PXDNL: variants seen among roughly 807,000 people sequenced by gnomAD.
PXDNL encodes the protein peroxidasin like, also known as probable oxidoreductase PXDNL.
PXDNL carries 145 observed loss-of-function variants against 150.8 expected under a neutral mutation model. That is an observed-to-expected ratio of 0.96 (90% CI 0.84 to 1.10). The LOEUF is 1.10. Among genes scored for constraint, PXDNL ranks in the 50% least tolerant of loss-of-function variants. The pLI is 0.00. For missense variants in PXDNL, 2,087 were observed against 1,873.9 expected (o/e 1.11, Z -2.10); for synonymous variants, 757 against 725.7 (o/e 1.04, Z -0.69).
intron 16 of PXDNL, among the ~76,000 whole-genome samples, chr8:51,410,569 C>G (rs529094698): frequency 6.6e-6 from 1 of 152,066 alleles, no homozygotes; most frequent in South Asian, 2.1e-4. Flanking sequence ...CACCACGTCT[C>G]GGTTGATTTC....
rs2130770200 is a variant in PXDNL at position 51,638,155 on chromosome 8, G to A, written c.236+16534C>T. On this transcript the variant is annotated intron_variant, in intron 2 of 22. Transcript: ENST00000356297. ...CTTTACAGACAAACAAATGCTGAGA[G>A]ATTTTGTCACCACCAGGCCTGCCCT... Among the ~76,000 whole-genome samples, 5 of 152,292 alleles carry A rather than the reference G, an allele frequency of 3.3e-5. No homozygotes were observed. In the South Asian group the frequency reaches 1.0e-3, roughly 32 times the overall value.
chr8:51,410,676 T>C (rs1243410710), intron 16 of PXDNL, among the ~76,000 whole-genome samples: 1 of 152,232 alleles, frequency 6.6e-6, no homozygotes, highest in Non-Finnish European at 1.5e-5. Context: ...CTTATTTCAT[T>C]TGAAAGAGAA....
intron 4 of PXDNL, among the ~76,000 whole-genome samples, chr8:51,539,938 CT>C (rs61652546): frequency 0.21 from 31,055 of 144,830 alleles, 3,394 homozygotes; most frequent in Admixed American, 0.3. Context: ...TATCTACTAC[CT>C]TTTTTTTTTT....
intron 2 of PXDNL, among the ~76,000 whole-genome samples, chr8:51,635,554 A>C (rs1017878869): frequency 2.0e-5 from 3 of 152,052 alleles, no homozygotes; most frequent in Admixed American, 1.3e-4. Flanking sequence ...GAGATAAATA[A>C]AATATGAGAG....
intron 17 of PXDNL, among the ~76,000 whole-genome samples, chr8:51,403,906 T>A (rs999426285): frequency 1.3e-5 from 2 of 152,188 alleles, no homozygotes; most frequent in African/African-American, 4.8e-5. Flanking sequence ...AGGTGGTGTG[T>A]CCGGAGTTTG....
chr8:51,564,271 T>A (rs989063059), intron 3 of PXDNL, among the ~76,000 whole-genome samples: 1 of 151,742 alleles, frequency 6.6e-6, no homozygotes, highest in Non-Finnish European at 1.5e-5. Flanking sequence ...GACAAAAGAG[T>A]TAGCTGGAAG....
intron 2 of PXDNL, among the ~76,000 whole-genome samples, chr8:51,604,017 G>C (rs971266234): frequency 3.3e-5 from 5 of 151,946 alleles, no homozygotes; most frequent in African/African-American, 1.2e-4. Flanking sequence ...TCATAATACT[G>C]TCAACATATT....
At chr8:51,685,440 G>A (rs1176910106) in intron 1 of PXDNL, among the ~76,000 whole-genome samples, 2 of 152,152 alleles carry the variant, frequency 1.3e-5, no homozygotes, top group Non-Finnish European at 2.9e-5. Context: ...AAGCCCTCAC[G>A]AGTAAAGCCA....
intron 19 of PXDNL, among the ~76,000 whole-genome samples, chr8:51,357,090 C>T (rs1255852693): frequency 6.6e-6 from 1 of 152,066 alleles, no homozygotes; most frequent in African/African-American, 2.4e-5. Context: ...TCTCAAGTAC[C>T]CAGAAAAACA....
chr8:51,357,446 A>G (rs1260784301), intron 19 of PXDNL, among the ~76,000 whole-genome samples: 2 of 152,236 alleles, frequency 1.3e-5, no homozygotes, highest in Non-Finnish European at 2.9e-5. Flanking sequence ...ATAAGTAATT[A>G]TACAGAGAAT....
At chr8:51,519,592 G>C (rs1298628883) in intron 4 of PXDNL, among the ~76,000 whole-genome samples, 1 of 152,094 alleles carries the variant, frequency 6.6e-6, no homozygotes, top group African/African-American at 2.4e-5. Context: ...AGAGGAGAAA[G>C]AGGAGGAAAG....
intron 4 of PXDNL, among the ~76,000 whole-genome samples, chr8:51,516,059 G>A (rs1811528804): frequency 6.6e-6 from 1 of 152,098 alleles, no homozygotes; most frequent in Non-Finnish European, 1.5e-5. Context: ...CAATTGAAAG[G>A]ATATAGCTTC....
rs58282258 is a variant in PXDNL at position 51,367,100 on chromosome 8, CAAAAAAAA to C, written c.3901+4765_3901+4772del. Reference sequence around the variant, plus strand: ...TTGCGACAGAGCAAGACTCTTGTCTCAAAAAAAAAAAAAAAAAAAAAAAAAAAAATTCA... The same window carrying C: ...TTGCGACAGAGCAAGACTCTTGTCTCAAAAAAAAAAAAAAAAAAAAATTCA... On this transcript the variant is annotated intron_variant, in intron 19 of 22. Coordinates refer to ENST00000356297, the MANE Select transcript of PXDNL (RefSeq NM_144651.5). Among the ~76,000 whole-genome samples, 337 of 55,250 alleles carry C rather than the reference CAAAAAAAA, an allele frequency of 6.1e-3. 3 individuals carry two copies. The highest frequency in any genetic ancestry group is 0.019 in the African/African-American group (296 of 15,648). 36.2% of individuals were successfully genotyped at this position (55,250 alleles called of 152,430 possible).
chr8:51,455,429 T>C (rs1314702414), intron 9 of PXDNL, among the ~76,000 whole-genome samples: 1 of 152,094 alleles, frequency 6.6e-6, no homozygotes, highest in Non-Finnish European at 1.5e-5. Flanking sequence ...GCAATGTCCA[T>C]TGAAATCTCA....
intron 14 of PXDNL, among the ~76,000 whole-genome samples, chr8:51,418,657 A>G (rs957011110): frequency 6.6e-6 from 1 of 152,208 alleles, no homozygotes; most frequent in Non-Finnish European, 1.5e-5. Context: ...ATAAATGTTA[A>G]CTGTTTATTT....
intron 1 of PXDNL, among the ~76,000 whole-genome samples, chr8:51,670,745 C>T (rs903050357): frequency 3.9e-5 from 6 of 152,160 alleles, no homozygotes; most frequent in African/African-American, 1.4e-4. Flanking sequence ...TGTTAACCCA[C>T]TGCATGACAC....
chr8:51,694,017 CT>C (rs1232259878), intron 1 of PXDNL, among the ~76,000 whole-genome samples: 2 of 152,162 alleles, frequency 1.3e-5, no homozygotes, highest in Non-Finnish European at 2.9e-5. Context: ...AAGCATCACT[CT>C]TTTTGGGGAA....
intron 2 of PXDNL, among the ~76,000 whole-genome samples, chr8:51,631,439 C>A (rs1011407678): frequency 6.6e-6 from 1 of 151,752 alleles, no homozygotes; most frequent in African/African-American, 2.4e-5. Flanking sequence ...AAAATAAAAG[C>A]TTTTTAAAAA....
intron 1 of PXDNL, among the ~76,000 whole-genome samples, chr8:51,752,353 T>C (rs1374075869): frequency 6.6e-6 from 1 of 152,158 alleles, no homozygotes; most frequent in Non-Finnish European, 1.5e-5. Flanking sequence ...ATGGGTCCTG[T>C]TAAGAATTCC....
Sources: gnomAD v4.1 joint callset for allele counts (sites outside exome capture counted in the v4.1 genomes callset) on GRCh38, gnomAD v4.1.1 for gene constraint, MANE v1.5 for transcripts, NCBI Gene and HGNC (gene_info 2026-07-23, HGNC 2026-07-21) for gene names.